The following DCLK2 variants were observed in gnomAD, a reference collection of about 807,000 sequenced individuals.
The protein encoded by DCLK2 is serine/threonine-protein kinase DCLK2.
A neutral mutation model predicts 78.4 loss-of-function variants in DCLK2; 31 were observed. The ratio of observed to expected loss-of-function variants is 0.40; its 90% CI spans 0.30 to 0.53. The LOEUF (loss-of-function observed/expected upper bound fraction) is 0.53. Among genes scored for constraint, DCLK2 ranks in the 20% least tolerant of loss-of-function variants. The probability of loss-of-function intolerance (pLI) is 0.61; values close to 1 mark genes in which losing one functional copy is unlikely to be tolerated. For synonymous variants in DCLK2, 407 were observed against 374.9 expected (o/e 1.09, Z -0.99); for missense variants, 872 against 973.7 (o/e 0.90, Z 1.39).
intron 2 of DCLK2, among the ~76,000 whole-genome samples, chr4:150,175,215 T>TTATATA (rs1560835703): frequency 8.2e-6 from 1 of 122,274 alleles, no homozygotes; most frequent in Non-Finnish European, 1.7e-5. Flanking sequence ...TTATATATAT[T>TTATATA]TATCTATATA....
At chr4:150,200,695 C>T (rs1739387177) in intron 4 of DCLK2, among the ~76,000 whole-genome samples, 1 of 152,170 alleles carries the variant, frequency 6.6e-6, no homozygotes, top group Non-Finnish European at 1.5e-5. Flanking sequence ...TGTACCTTTT[C>T]AATCTTGGGG....
intron 1 of DCLK2, among the ~76,000 whole-genome samples, chr4:150,099,071 C>T (rs1730685582): frequency 6.6e-6 from 1 of 151,936 alleles, no homozygotes; most frequent in Admixed American, 6.6e-5. Context: ...TCAGCTATGT[C>T]CTTGTGAGAA....
chr4:150,144,648 A>G (rs938965870), intron 2 of DCLK2, among the ~76,000 whole-genome samples: 1 of 152,036 alleles, frequency 6.6e-6, no homozygotes, highest in Non-Finnish European at 1.5e-5. Flanking sequence ...GTGCAGTGGC[A>G]TGATCACAGC....
At chr4:150,197,891 G>GTAATACC in intron 3 of DCLK2, 111 bp from the exon 4 acceptor site, 1 of 750,126 alleles carries the variant, frequency 1.3e-6, no homozygotes, top group East Asian at 2.9e-5. Flanking sequence ...TTGTTTAACA[G>GTAATACC]TAATACCTAA....
intron 1 of DCLK2, among the ~76,000 whole-genome samples, chr4:150,101,580 G>C (rs900979444): frequency 6.6e-6 from 1 of 151,882 alleles, no homozygotes; most frequent in Non-Finnish European, 1.5e-5. Context: ...ATGTCAAAAA[G>C]TCAAGAGTAT....
At chr4:150,081,824 T>G (rs1246700203) in intron 1 of DCLK2, among the ~76,000 whole-genome samples, 1 of 90,870 alleles carries the variant, frequency 1.1e-5, no homozygotes. Context: ...AAACCCCATC[T>G]CTACTTAAAA....
At chr4:150,093,676 G>A (rs1393357777) in intron 1 of DCLK2, among the ~76,000 whole-genome samples, 1 of 152,128 alleles carries the variant, frequency 6.6e-6, no homozygotes, top group Non-Finnish European at 1.5e-5. Context: ...ACCACGCCCA[G>A]CCTCAATGGC....
In DCLK2 at chr4:150,224,537, C is replaced by G; in HGVS notation, c.1278C>G (p.Asp426Glu). 1 of 1,612,576 alleles carries G rather than the reference C, an allele frequency of 6.2e-7. No homozygotes were observed. Among genetic ancestry groups the G allele is most frequent in the South Asian group, 1.1e-5 (1 of 90,736 alleles). ...TGKEFALKIIDKAKCCGKEHL... is the reference protein window; with the variant it reads ...TGKEFALKIIEKAKCCGKEHL... ...AGGAGTTTGCCCTAAAGATTATAGA[C>G]AAAGCCAAATGTTGTGGAAAGGTAT... is the stretch of plus-strand genomic sequence containing the variant. Residue 426 changes from aspartate to glutamate, a missense_variant, in exon 8 of 16, where the codon GAC becomes GAG. Asp to Glu is a conservative substitution (Grantham distance 45). Around this residue, in one of 3 missense-constraint regions of DCLK2, gnomAD observed 567 missense variants for 593.4 expected, o/e 0.96. Coordinates refer to ENST00000296550, the MANE Select transcript of DCLK2 (RefSeq NM_001040260.4).
At chr4:150,119,223 A>T (rs1198234532) in intron 2 of DCLK2, among the ~76,000 whole-genome samples, 1 of 152,044 alleles carries the variant, frequency 6.6e-6, no homozygotes, top group Non-Finnish European at 1.5e-5. Context: ...AATAATGTTA[A>T]ATTGGCTAGA....
At chr4:150,127,746 G>A (rs1733019991) in intron 2 of DCLK2, among the ~76,000 whole-genome samples, 1 of 152,118 alleles carries the variant, frequency 6.6e-6, no homozygotes, top group African/African-American at 2.4e-5. Flanking sequence ...ACATCTCCAG[G>A]TTTCCATGCC....
intron 1 of DCLK2, among the ~76,000 whole-genome samples, chr4:150,099,674 A>G (rs1174119285): frequency 1.3e-5 from 2 of 152,204 alleles, no homozygotes; most frequent in African/African-American, 4.8e-5. Context: ...ATACCGTGTC[A>G]GCACCTAACA....
chr4:150,083,234 G>C (rs1318707968), intron 1 of DCLK2, among the ~76,000 whole-genome samples: 3 of 152,188 alleles, frequency 2.0e-5, no homozygotes, highest in Non-Finnish European at 4.4e-5. Flanking sequence ...TGAAGTGCTT[G>C]CCAAGAGTCA....
At chr4:150,167,779 A>G (rs892648985) in intron 2 of DCLK2, among the ~76,000 whole-genome samples, 4 of 152,188 alleles carry the variant, frequency 2.6e-5, no homozygotes, top group African/African-American at 9.7e-5. Context: ...CAGCTTCCCC[A>G]TAAGATCTCG....
chr4:150,226,670 A>G (rs1741643080), intron 8 of DCLK2, among the ~76,000 whole-genome samples: 1 of 152,204 alleles, frequency 6.6e-6, no homozygotes, highest in South Asian at 2.1e-4. Context: ...CAGTTCTAAC[A>G]TTTGAATCTT....
At chr4:150,125,765 C>T (rs1732879431) in intron 2 of DCLK2, among the ~76,000 whole-genome samples, 1 of 151,922 alleles carries the variant, frequency 6.6e-6, no homozygotes, top group African/African-American at 2.4e-5. Flanking sequence ...GTGGCATGCA[C>T]CTGTAATCCC....
intron 7 of DCLK2, among the ~76,000 whole-genome samples, chr4:150,222,857 C>A (rs914908313): frequency 6.7e-6 from 1 of 149,448 alleles, no homozygotes; most frequent in East Asian, 1.9e-4. Context: ...CAGACCAAGA[C>A]TGTGTCTCAA....
chr4:150,206,998 T>C (rs552009773), intron 5 of DCLK2, among the ~76,000 whole-genome samples: 2 of 152,294 alleles, frequency 1.3e-5, no homozygotes, highest in Non-Finnish European at 2.9e-5. Context: ...GAATTACAGA[T>C]AATTACCGTG....
chr4:150,241,713 G>T (rs1002572157), intron 12 of DCLK2, among the ~76,000 whole-genome samples: 1 of 152,154 alleles, frequency 6.6e-6, no homozygotes. Flanking sequence ...AGAATTCCAA[G>T]ATCAAGGTAC....
At chr4:150,167,213 G>A (rs186518162) in intron 2 of DCLK2, among the ~76,000 whole-genome samples, 133 of 152,300 alleles carry the variant, frequency 8.7e-4, no homozygotes, top group African/African-American at 2.8e-3. Context: ...AGCCATCTCG[G>A]AAGCCTGGCA....
Sources: gnomAD v4.1 joint callset for allele counts (sites outside exome capture counted in the v4.1 genomes callset) on GRCh38, gnomAD v4.1.1 for gene constraint, gnomAD v4.1.1 regional missense constraint, MANE v1.5 for transcripts, NCBI Gene and HGNC (gene_info 2026-07-23, HGNC 2026-07-21) for gene names.